The following DNAJB2 variants were observed in gnomAD, a reference collection of about 807,000 sequenced individuals.
DNAJB2 encodes the protein dnaJ homolog subfamily B member 2.
DNAJB2 carries 19 observed loss-of-function variants against 33.3 expected under a neutral mutation model. The ratio of observed to expected loss-of-function variants is 0.57; its 90% CI spans 0.40 to 0.84. The LOEUF is 0.84. Ranked by LOEUF, DNAJB2 falls within the 40% of genes least tolerant of loss-of-function variation. The pLI is 0.00. For missense variants in DNAJB2, 368 were observed against 430.9 expected, an observed-to-expected ratio of 0.85 and a Z score of 1.29; for synonymous variants, 172 against 164.6, an observed-to-expected ratio of 1.04 and a Z score of -0.34.
In DNAJB2 at chr2:219,285,056, G is replaced by GGGGAGTAT; in HGVS notation, c.*70_*77dup. 7.0e-7 allele frequency: 1 copy of GGGGAGTAT among 1,435,210 alleles called. No homozygotes were observed. The highest frequency in any genetic ancestry group is 9.2e-7 in the Non-Finnish European group (1 of 1,088,346). 88.9% of individuals were successfully genotyped at this position (1,435,210 alleles called of 1,614,324 possible). ...TCTGACTCACTGTGGGAAGAGAAGAGGGGAGTATCCTGAGTTGTAGGAACT... is the reference window on the plus strand; with the variant it reads ...TCTGACTCACTGTGGGAAGAGAAGAGGGGAGTATGGGAGTATCCTGAGTTGTAGGAACT... On this transcript the variant is annotated 3_prime_UTR_variant, in exon 9 of 9. Coordinates refer to ENST00000336576, the MANE Select transcript of DNAJB2 (RefSeq NM_006736.6).
chr2:219,283,184 C>T lies in DNAJB2; in HGVS notation c.497C>T (p.Ser166Phe). ...SFSPGAGAFR[S>F]VSTSTTFVQG... ...AGTCCTGGGGCTGGTGCTTTTCGCTCTGTTTCTACATCTACCACCTTTGTC... is the reference window on the plus strand; with the variant it reads ...AGTCCTGGGGCTGGTGCTTTTCGCTTTGTTTCTACATCTACCACCTTTGTC... The change falls in exon 7 of 9, where the codon TCT (serine) becomes TTT (phenylalanine). Residue 166 changes from serine (S) to phenylalanine (F), a missense_variant. Ser to Phe is a radical substitution (Grantham distance 155). Transcript: ENST00000336576. 6.2e-7 allele frequency: 1 copy of T among 1,614,260 alleles called. No individual in the cohort carries two copies. The highest frequency in any genetic ancestry group is 8.5e-7 in the Non-Finnish European group (1 of 1,180,056).
At chr2:219,280,796 T>C in intron 3 of DNAJB2, 109 bp downstream of exon 3, 1 of 809,420 alleles carries the variant, frequency 1.2e-6, no homozygotes, top group East Asian at 2.7e-5. Flanking sequence ...TGTGCCTTTT[T>C]CCAGCCTGAC....
At chr2:219,281,882 T>TA (rs1553575133) in intron 4 of DNAJB2, 57 bp from the exon 5 acceptor site, 2 of 1,580,266 alleles carry the variant, frequency 1.3e-6, no homozygotes, top group African/African-American at 3.7e-5. Context: ...TTAGGTGAGG[T>TA]CCCCCGCTCA....
intron 2 of DNAJB2, chr2:219,280,249 C>G: frequency 1.9e-6 from 1 of 517,506 alleles, no homozygotes; most frequent in South Asian, 2.4e-5. Context: ...CAAAGAGGCT[C>G]TATGAGGAGG....
chr2:219,284,615 G>A lies in DNAJB2; in HGVS notation c.620-17G>A. ...CTGGCTCAGGTTGGGGCCTCATGGT[G>A]GCTGTGACTCTTGCAGGTGTCCCAG... is the stretch of plus-strand genomic sequence containing the variant. On this transcript the variant is annotated splice_polypyrimidine_tract_variant and intron_variant, in intron 8 of 8. Transcript: ENST00000336576. The A allele has an allele frequency of 6.4e-7, 1 of 1,567,726 alleles. No homozygotes were observed. Among genetic ancestry groups the A allele is most frequent in the African/African-American group, 1.3e-5 (1 of 74,390 alleles).
chr2:219,285,041 T>C lies in DNAJB2; in HGVS notation c.*54T>C. 6.9e-7 allele frequency: 1 copy of C among 1,441,714 alleles called. No homozygotes were observed. Among genetic ancestry groups the C allele is most frequent in the Admixed American group, 2.9e-5 (1 of 34,998 alleles). The allele number at this position is 1,441,714 out of a possible 1,614,324, so 89.3% of individuals were successfully genotyped here. The stretch of plus-strand genomic sequence containing the variant: ...ATCTTGACTGGGGGGTCTGACTCAC[T>C]GTGGGAAGAGAAGAGGGGAGTATCC... On this transcript the variant is annotated 3_prime_UTR_variant, in exon 9 of 9. Coordinates refer to ENST00000336576, the MANE Select transcript of DNAJB2 (RefSeq NM_006736.6).
At position 219,283,456 on chromosome 2, in the gene DNAJB2, G is replaced by C. The variant is rs761985475; in HGVS notation, c.586G>C (p.Glu196Gln). 7.4e-6 allele frequency: 12 copies of C among 1,614,142 alleles called. No homozygotes were observed. Among genetic ancestry groups the C allele is most frequent in the Non-Finnish European group, 1.0e-5 (12 of 1,180,008 alleles). The change falls in exon 8 of 9, where the codon GAG becomes CAG. Residue 196 changes from glutamate (E) to glutamine (Q), a missense_variant. Physicochemically the swap from Glu to Gln is conservative, Grantham distance 29. Transcript: ENST00000336576. The stretch of plus-strand genomic sequence containing the variant: ...CGGGCAGGAGCGGGTGGAAGTGGAG[G>C]AGGATGGGCAGCTGAAGTCAGTCAC... ...ENGQERVEVE[E>Q]DGQLKSVTIN...
rs1480759144 is a variant in DNAJB2 at position 219,286,338 on chromosome 2, A to T, written c.*1351A>T. 1 of 310,950 alleles carries T rather than the reference A, an allele frequency of 3.2e-6. No individual in the cohort carries two copies. The highest frequency in any genetic ancestry group is 4.2e-5 in the Admixed American group (1 of 23,844). 19.3% of individuals were successfully genotyped at this position (310,950 alleles called of 1,614,324 possible). A position where few individuals can be genotyped will look rare whatever the true frequency, so the allele number is the denominator to read the frequency against. ...AGGTCGGCTTGTCACTCGCTGTGAG[A>T]TGGGGAGATTTTGTCTTTTGATTTA... On this transcript the variant is annotated 3_prime_UTR_variant, in exon 9 of 9. Coordinates refer to ENST00000336576, the MANE Select transcript of DNAJB2 (RefSeq NM_006736.6).
At chr2:219,282,322 A>G (rs1951912732) in intron 5 of DNAJB2, 3 of 531,182 alleles carry the variant, frequency 5.6e-6, no homozygotes, top group South Asian at 2.5e-5. Context: ...AGTAACAGCC[A>G]TGAAAGCAAG....
chr2:219,284,617 C>A lies in DNAJB2; in HGVS notation c.620-15C>A. On this transcript the variant is annotated splice_polypyrimidine_tract_variant and intron_variant, in intron 8 of 8. Transcript: ENST00000336576. Reference sequence around the variant, plus strand: ...GGCTCAGGTTGGGGCCTCATGGTGGCTGTGACTCTTGCAGGTGTCCCAGAT... The same window carrying A: ...GGCTCAGGTTGGGGCCTCATGGTGGATGTGACTCTTGCAGGTGTCCCAGAT... 2 of 1,568,820 alleles carry A rather than the reference C, an allele frequency of 1.3e-6. No homozygotes were observed. The highest frequency in any genetic ancestry group is 8.7e-7 in the Non-Finnish European group (1 of 1,152,198).
chr2:219,281,248 C>T (rs1456294835), intron 3 of DNAJB2: 1 of 194,802 alleles, frequency 5.1e-6, no homozygotes, highest in East Asian at 1.3e-4. Flanking sequence ...GACACAGTTA[C>T]AGCTTGTGAA....
At chr2:219,280,190 C>G (rs1448929609) in intron 2 of DNAJB2, 2 of 536,936 alleles carry the variant, frequency 3.7e-6, no homozygotes, top group African/African-American at 3.8e-5. Context: ...TCCCCTCCCC[C>G]TTCCCCCTAG....
In DNAJB2 at chr2:219,286,819, G is replaced by C. The variant is rs1359491448; in HGVS notation, c.*1832G>C. 2 of 152,296 alleles carry C rather than the reference G, an allele frequency of 1.3e-5. No homozygotes were observed. Among genetic ancestry groups the C allele is most frequent in the East Asian group, 1.9e-4 (1 of 5,200 alleles). The allele number at this position is 152,296 out of a possible 1,614,324, so 9.4% of individuals were successfully genotyped here. A position where few individuals can be genotyped will look rare whatever the true frequency, so the allele number is the denominator to read the frequency against. Reference sequence around the variant, plus strand: ...CCAGTCGCTGTAACACTGAGCCTCAGAGACGAACCAAAACCAGCTGGGCTG... The same window carrying C: ...CCAGTCGCTGTAACACTGAGCCTCACAGACGAACCAAAACCAGCTGGGCTG... On this transcript the variant is annotated 3_prime_UTR_variant, in exon 9 of 9. Transcript: ENST00000336576.
At chr2:219,281,610 CCCG>C (rs996723910) in intron 3 of DNAJB2, 105 bp from the exon 4 acceptor site, 90 of 1,489,410 alleles carry the variant, frequency 6.0e-5, no homozygotes, top group Non-Finnish European at 8.0e-5. Context: ...CCTGCTTTCC[CCCG>C]CCAAGTGTCA....
chr2:219,280,819 C>T, intron 3 of DNAJB2, 132 bp downstream of exon 3: 1 of 683,178 alleles, frequency 1.5e-6, no homozygotes, highest in Middle Eastern at 3.8e-4. Flanking sequence ...TTAAGCTCCC[C>T]CCTCCCACAG....
intron 7 of DNAJB2, 39 bp downstream of exon 7, chr2:219,283,274 C>T: frequency 6.2e-7 from 1 of 1,612,822 alleles, no homozygotes; most frequent in Non-Finnish European, 8.5e-7. Flanking sequence ...GGTGAGAGGT[C>T]TGCTGGGGAG....
At position 219,286,092 on chromosome 2, in the gene DNAJB2, C is replaced by A; in HGVS notation, c.*1105C>A. ...GGGACCCTCCATTTCTCCCCCTCAC[C>A]CATGCTGAGTGTAGAGCCGGGGCCT... On this transcript the variant is annotated 3_prime_UTR_variant, in exon 9 of 9. Transcript: ENST00000336576. 1 of 1,403,118 alleles carries A rather than the reference C, an allele frequency of 7.1e-7. No individual in the cohort carries two copies. Among genetic ancestry groups the A allele is most frequent in the Non-Finnish European group, 9.6e-7 (1 of 1,042,266 alleles). The allele number at this position is 1,403,118 out of a possible 1,614,324, so 86.9% of individuals were successfully genotyped here.
chr2:219,284,671 G>A lies in DNAJB2; in HGVS notation c.659G>A (p.Arg220His), dbSNP rs769850234. The stretch of plus-strand genomic sequence containing the variant: ...CTGGCACTGGGCTTGGAGCTGAGCC[G>A]TCGCGAGCAGCAGCCGTCAGTCACT... ...DDLALGLELS[R>H]REQQPSVTSR... The change falls in exon 9 of 9, where the codon CGT (arginine) becomes CAT (histidine). Residue 220 changes from arginine (R) to histidine (H), a missense_variant. Arg to His is a conservative substitution (Grantham distance 29). Transcript: ENST00000336576. The A allele has an allele frequency of 1.9e-5, 30 of 1,606,508 alleles. No homozygotes were observed. The highest frequency in any genetic ancestry group is 2.2e-5 in the Non-Finnish European group (26 of 1,175,508).
intron 3 of DNAJB2, 93 bp from the exon 4 acceptor site, chr2:219,281,625 A>G: frequency 1.3e-6 from 2 of 1,542,194 alleles, no homozygotes; most frequent in Non-Finnish European, 1.8e-6. Context: ...CAAGTGTCAG[A>G]GTGTCAGTCT....
Sources: allele counts gnomAD v4.1 joint callset, GRCh38; gene constraint gnomAD v4.1.1; transcripts MANE v1.5; gene names NCBI Gene and HGNC (gene_info 2026-07-23, HGNC 2026-07-21).